The following MPHOSPH6 variants were observed in gnomAD, a reference collection of about 807,000 sequenced individuals.
MPHOSPH6 encodes M-phase phosphoprotein 6.
Under a neutral mutation model 21.8 loss-of-function variants are expected in MPHOSPH6, and 25 were observed. That is an observed-to-expected ratio of 1.15 (90% CI 0.83 to 1.60). The LOEUF (loss-of-function observed/expected upper bound fraction) is 1.60. Among genes scored for constraint, MPHOSPH6 ranks in the 40% most tolerant of loss-of-function variants. The pLI, the probability that MPHOSPH6 is intolerant of heterozygous loss-of-function variation, is 0.00. For missense variants in MPHOSPH6, 269 were observed against 181.8 expected, an observed-to-expected ratio of 1.48 and a Z score of -2.76; for synonymous variants, 84 against 56.5, an observed-to-expected ratio of 1.49 and a Z score of -2.18.
chr16:82,168,175 T>G (rs369037982), intron 1 of MPHOSPH6, among the ~76,000 whole-genome samples: 3 of 152,210 alleles, frequency 2.0e-5, no homozygotes, highest in African/African-American at 7.2e-5. Flanking sequence ...ATATTTAGTT[T>G]GAGCCTGAGT....
chr16:82,168,528 T>C (rs150941766), intron 1 of MPHOSPH6, among the ~76,000 whole-genome samples: 2,922 of 149,986 alleles, frequency 0.019, 117 homozygotes, highest in African/African-American at 0.068. Context: ...TGGAGTGCAG[T>C]GGCGCCATCT....
At chr16:82,168,013 G>C (rs7205534) in intron 1 of MPHOSPH6, among the ~76,000 whole-genome samples, 1 of 151,982 alleles carries the variant, frequency 6.6e-6, no homozygotes, top group Admixed American at 6.5e-5. Context: ...TTGCCAGTAA[G>C]TTTTTTCTTA....
At chr16:82,150,389 T>C (rs1391479585) in intron 3 of MPHOSPH6, among the ~76,000 whole-genome samples, 1 of 152,112 alleles carries the variant, frequency 6.6e-6, no homozygotes, top group East Asian at 1.9e-4. Context: ...TTAAAGAAAG[T>C]CAAAGCGAGA....
intron 2 of MPHOSPH6, 57 bp downstream of exon 2, chr16:82,164,025 C>G: frequency 8.6e-7 from 1 of 1,161,756 alleles, no homozygotes; most frequent in East Asian, 2.4e-5. Context: ...TTAAATTTAC[C>G]AGGAGTTTCC....
chr16:82,148,897 C>G, intron 4 of MPHOSPH6, 34 bp from the exon 5 acceptor site: 1 of 1,608,440 alleles, frequency 6.2e-7, no homozygotes, highest in East Asian at 2.2e-5. Flanking sequence ...CGTTTAATTT[C>G]AAATAAAAAG....
At chr16:82,154,062 C>T (rs1906352297) in intron 2 of MPHOSPH6, among the ~76,000 whole-genome samples, 1 of 152,162 alleles carries the variant, frequency 6.6e-6, no homozygotes, top group African/African-American at 2.4e-5. Flanking sequence ...GTAACACTCA[C>T]AGGTTTCAGA....
chr16:82,165,467 A>G (rs1906743853), intron 1 of MPHOSPH6, among the ~76,000 whole-genome samples: 1 of 152,016 alleles, frequency 6.6e-6, no homozygotes, highest in East Asian at 1.9e-4. Context: ...TTTTCCAAAC[A>G]TAAGCCTTTT....
chr16:82,156,387 G>C (rs868735624), intron 2 of MPHOSPH6, among the ~76,000 whole-genome samples: 1 of 152,018 alleles, frequency 6.6e-6, no homozygotes, highest in Non-Finnish European at 1.5e-5. Flanking sequence ...TGGCTGGATG[G>C]GGGATGAACA....
At chr16:82,150,829 T>C (rs10514531) in intron 3 of MPHOSPH6, among the ~76,000 whole-genome samples, 21,411 of 152,250 alleles carry the variant, frequency 0.14, 2,215 homozygotes, top group Admixed American at 0.34. Context: ...ATGTGTCCAT[T>C]TGGTTCATCA....
At chr16:82,148,921 C>T in intron 4 of MPHOSPH6, 58 bp from the exon 5 acceptor site, 3 of 1,585,106 alleles carry the variant, frequency 1.9e-6, no homozygotes, top group East Asian at 4.5e-5. Flanking sequence ...GGGATCAAGC[C>T]TTGTCAAGAA....
At chr16:82,161,366 G>A (rs1906602342) in intron 2 of MPHOSPH6, among the ~76,000 whole-genome samples, 2 of 152,166 alleles carry the variant, frequency 1.3e-5, no homozygotes, top group African/African-American at 4.8e-5. Flanking sequence ...GGTCCCTATA[G>A]CTTCTGACTC....
chr16:82,152,875 T>C (rs1034534437), intron 2 of MPHOSPH6, among the ~76,000 whole-genome samples: 13 of 151,946 alleles, frequency 8.6e-5, no homozygotes, highest in African/African-American at 2.9e-4. Flanking sequence ...TTTGCCGGAG[T>C]AGGCTCTGAT....
At chr16:82,166,688 A>G (rs1316074289) in intron 1 of MPHOSPH6, among the ~76,000 whole-genome samples, 2 of 152,160 alleles carry the variant, frequency 1.3e-5, no homozygotes, top group Admixed American at 1.3e-4. Context: ...ACCTAGACCT[A>G]TCTTATTTTT....
At chr16:82,155,318 G>A (rs941612845) in intron 2 of MPHOSPH6, among the ~76,000 whole-genome samples, 3 of 152,132 alleles carry the variant, frequency 2.0e-5, no homozygotes, top group African/African-American at 7.2e-5. Context: ...ATACTGTATT[G>A]GGTCCTTAGC....
At chr16:82,166,045 G>A (rs74249011) in intron 1 of MPHOSPH6, among the ~76,000 whole-genome samples, 21,822 of 152,160 alleles carry the variant, frequency 0.14, 2,280 homozygotes, top group Admixed American at 0.34. Flanking sequence ...CCCAGCAACC[G>A]TCCACGCAAA....
chr16:82,166,356 T>G (rs1906779713), intron 1 of MPHOSPH6, among the ~76,000 whole-genome samples: 4 of 152,248 alleles, frequency 2.6e-5, no homozygotes, highest in Admixed American at 2.6e-4. Context: ...CCCAGTCCTT[T>G]TGCCTTTGCG....
chr16:82,152,332 T>G (rs549685997), intron 2 of MPHOSPH6, among the ~76,000 whole-genome samples: 2 of 152,230 alleles, frequency 1.3e-5, no homozygotes, highest in East Asian at 3.9e-4. Flanking sequence ...CCAGGAGAAG[T>G]AGTGGGAAAT....
chr16:82,165,670 C>G (rs1267675090), intron 1 of MPHOSPH6, among the ~76,000 whole-genome samples: 1 of 55,448 alleles, frequency 1.8e-5, no homozygotes, highest in African/African-American at 4.0e-5. Context: ...GATACACAGA[C>G]ACCACTGTGT....
At chr16:82,166,052 C>T (rs1906768021) in intron 1 of MPHOSPH6, among the ~76,000 whole-genome samples, 1 of 152,188 alleles carries the variant, frequency 6.6e-6, no homozygotes. Context: ...ACCGTCCACG[C>T]AAAATGAGTG....
Sources: gnomAD v4.1 joint callset for allele counts (sites outside exome capture counted in the v4.1 genomes callset) on GRCh38, gnomAD v4.1.1 for gene constraint, MANE v1.5 for transcripts, NCBI Gene and HGNC (gene_info 2026-07-23, HGNC 2026-07-21) for gene names.